Variants in C10orf105 observed in about 807,000 individuals in gnomAD.
C10orf105 encodes chromosome 10 open reading frame 105, also known as uncharacterized protein C10orf105.
C10orf105 carries 2 observed loss-of-function variants against 0.6 expected under a neutral mutation model. The observed-to-expected ratio is 3.18, with a 90% CI of 1.30 to 10.01. The LOEUF is 10.01. C10orf105 is among the 30% of genes most tolerant of loss of function. C10orf105 has a pLI of 0.04. For missense variants in C10orf105, 209 were observed against 191.4 expected, an observed-to-expected ratio of 1.09 and a Z score of -0.54; for synonymous variants, 95 against 82.4, an observed-to-expected ratio of 1.15 and a Z score of -0.83.
intron 1 of C10orf105, chr10:71,732,783 CTGGTCATCGAAGTGTGTG>C: frequency 2.1e-6 from 2 of 934,430 alleles, no homozygotes; most frequent in Non-Finnish European, 2.6e-6. Context: ...TCCTTCACCT[CTGGTCATCGAAGTGTGTG>C]TGGGGTTTTC....
Position 71,716,317 on chromosome 10 carries a change from G to T in C10orf105, c.21C>A (p.Ser7Arg), listed in dbSNP as rs112655229. The change falls in exon 2 of 2, where the codon AGC becomes AGA. Residue 7 changes from serine (S) to arginine (R), a missense_variant. Coordinates refer to ENST00000441508, the MANE Select transcript of C10orf105 (RefSeq NM_001164375.3). Reference sequence around the variant, plus strand: ...GGCTGATGGCTGGGGAGCTGGCGAGGCTGGGGCCCTCTGTGCTCATGGCTC... The same window carrying T: ...GGCTGATGGCTGGGGAGCTGGCGAGTCTGGGGCCCTCTGTGCTCATGGCTC... MSTEGP[S>R]LASSPAISPL... The T allele has an allele frequency of 2.5e-5, 38 of 1,496,798 alleles. No individual in the cohort carries two copies. The African/African-American group carries it at 3.6e-4, about 14-fold the overall frequency. 92.7% of individuals were successfully genotyped at this position (1,496,798 alleles called of 1,614,324 possible). A position where few individuals can be genotyped will look rare whatever the true frequency, so the allele number is the denominator to read the frequency against.
Position 71,713,407 on chromosome 10 carries a change from C to CGGA in C10orf105, c.*2528_*2529insTCC, listed in dbSNP as rs1225006957. On this transcript the variant is annotated 3_prime_UTR_variant, in exon 2 of 2. Coordinates refer to ENST00000441508, the MANE Select transcript of C10orf105 (RefSeq NM_001164375.3). Reference sequence around the variant, plus strand: ...GCCCGGAGTGAATGAGTCTCTTTACCAACTATGGGGTTTCCGACTCGGAGG... The same window carrying CGGA: ...GCCCGGAGTGAATGAGTCTCTTTACCGGAAACTATGGGGTTTCCGACTCGGAGG... The CGGA allele has an allele frequency of 1.5e-6, 1 of 657,298 alleles. No homozygotes were observed. Among genetic ancestry groups the CGGA allele is most frequent in the Non-Finnish European group, 2.7e-6 (1 of 364,784 alleles). 40.7% of individuals were successfully genotyped at this position (657,298 alleles called of 1,614,324 possible). A position where few individuals can be genotyped will look rare whatever the true frequency, so the allele number is the denominator to read the frequency against.
intron 1 of C10orf105, among the ~76,000 whole-genome samples, chr10:71,719,291 G>T (rs762853495): frequency 1.3e-4 from 20 of 152,132 alleles, no homozygotes; most frequent in Non-Finnish European, 2.6e-4. Flanking sequence ...CCGGACCAAG[G>T]CCAGGAATCA....
Position 71,713,087 on chromosome 10 carries a change from A to AC in C10orf105, c.*2848dup. The AC allele has an allele frequency of 1.3e-6, 1 of 759,672 alleles. No individual in the cohort carries two copies. Among genetic ancestry groups the AC allele is most frequent in the Non-Finnish European group, 2.4e-6 (1 of 408,624 alleles). 47.1% of individuals were successfully genotyped at this position (759,672 alleles called of 1,614,324 possible). Reference sequence around the variant, plus strand: ...CCTCCCCCTGCATATCTCCCGCCCCACCCAGAAGGGCCTTTCAGAGTAGCG... The same window carrying AC: ...CCTCCCCCTGCATATCTCCCGCCCCACCCCAGAAGGGCCTTTCAGAGTAGCG... On this transcript the variant is annotated 3_prime_UTR_variant, in exon 2 of 2. Transcript: ENST00000441508.
chr10:71,728,053 GTT>G, intron 1 of C10orf105, among the ~76,000 whole-genome samples: 1 of 152,254 alleles, frequency 6.6e-6, no homozygotes, highest in Middle Eastern at 3.4e-3. Context: ...GCCTGGCCCT[GTT>G]TTTTCCCCAC....
At position 71,714,956 on chromosome 10, in the gene C10orf105, C is replaced by G. The variant is rs2132766535; in HGVS notation, c.*980G>C. ...GGTTTGGGATTCTGAGAAGCCCATC[C>G]TGGGGTGGGACTGCTTTGACGGGTC... On this transcript the variant is annotated 3_prime_UTR_variant, in exon 2 of 2. Coordinates refer to ENST00000441508, the MANE Select transcript of C10orf105 (RefSeq NM_001164375.3). The G allele has an allele frequency of 6.6e-6, 1 of 152,376 alleles. No homozygotes were observed. The highest frequency in any genetic ancestry group is 2.1e-4 in the South Asian group (1 of 4,834). 9.4% of individuals were successfully genotyped at this position (152,376 alleles called of 1,614,324 possible).
In C10orf105 at chr10:71,736,235, C is replaced by T. The variant is rs981915133; in HGVS notation, c.-6+1493G>A. On this transcript the variant is annotated intron_variant, in intron 1 of 1. Coordinates refer to the C10orf105 transcript ENST00000398786. ...ACCCCCTTTTGTTCTGCCCTGGCTT[C>T]CTCTGAGAGGCTCCCAGGGGCCGCT... is the stretch of plus-strand genomic sequence containing the variant. Among the ~76,000 whole-genome samples the T allele has an allele frequency of 3.9e-5, 6 of 152,372 alleles. 1 individual carries two copies. In the South Asian group the frequency reaches 1.2e-3, roughly 32 times the overall value.
intron 1 of C10orf105, chr10:71,731,869 T>G: frequency 9.9e-7 from 1 of 1,012,392 alleles, no homozygotes; most frequent in Middle Eastern, 2.9e-4. Flanking sequence ...CCGGCAGAGG[T>G]GGGGCAGCCC....
intron 1 of C10orf105, chr10:71,737,664 G>A: frequency 4.3e-6 from 2 of 467,852 alleles, no homozygotes; most frequent in South Asian, 3.1e-5. Flanking sequence ...GGCCTGTCCT[G>A]GGATACCTAA....
intron 1 of C10orf105, chr10:71,734,642 G>A: frequency 6.7e-7 from 1 of 1,494,564 alleles, no homozygotes; most frequent in Non-Finnish European, 9.1e-7. Flanking sequence ...TCCTGCTGCT[G>A]CCTCTGCCTA....
At position 71,714,496 on chromosome 10, in the gene C10orf105, A is replaced by C. The variant is rs1866124299; in HGVS notation, c.*1440T>G. The C allele has an allele frequency of 6.6e-6, 1 of 152,230 alleles. No homozygotes were observed. Among genetic ancestry groups the C allele is most frequent in the African/African-American group, 2.4e-5 (1 of 41,438 alleles). 9.4% of individuals were successfully genotyped at this position (152,230 alleles called of 1,614,324 possible). Reference sequence around the variant, plus strand: ...CCTTTTCCTCCCCAAGAGAGGTAGGAGACAGTAGGGGCGGCTCCAGGCAGG... The same window carrying C: ...CCTTTTCCTCCCCAAGAGAGGTAGGCGACAGTAGGGGCGGCTCCAGGCAGG... On this transcript the variant is annotated 3_prime_UTR_variant, in exon 2 of 2. Coordinates refer to ENST00000441508, the MANE Select transcript of C10orf105 (RefSeq NM_001164375.3).
chr10:71,727,951 G>A (rs960042332), intron 1 of C10orf105, among the ~76,000 whole-genome samples: 3 of 152,062 alleles, frequency 2.0e-5, no homozygotes, highest in South Asian at 4.1e-4. Context: ...GGCTGAAACC[G>A]ACCAGAGGCT....
chr10:71,735,185 C>T lies in C10orf105; in HGVS notation c.-6+2543G>A, dbSNP rs545537280. On this transcript the variant is annotated intron_variant, in intron 1 of 1. Transcript: ENST00000398786. ...GCTGCATCCATAAAGGGGACCCCCTCCCTCTCCTGGGGGTTGGTGCAAGTG... is the reference window on the plus strand; with the variant it reads ...GCTGCATCCATAAAGGGGACCCCCTTCCTCTCCTGGGGGTTGGTGCAAGTG... Among the ~76,000 whole-genome samples the T allele has an allele frequency of 4.6e-5, 7 of 152,318 alleles. No individual in the cohort carries two copies. In the South Asian group the frequency reaches 1.2e-3, roughly 27 times the overall value.
At chr10:71,728,741 GTTC>G (rs1250307423) in intron 1 of C10orf105, among the ~76,000 whole-genome samples, 1 of 152,174 alleles carries the variant, frequency 6.6e-6, no homozygotes, top group Admixed American at 6.5e-5. Flanking sequence ...TGCCTCTCCT[GTTC>G]TGGGGCCAGC....
At chr10:71,718,441 G>A (rs963284721) in intron 1 of C10orf105, among the ~76,000 whole-genome samples, 8 of 144,672 alleles carry the variant, frequency 5.5e-5, no homozygotes, top group Non-Finnish European at 9.1e-5. Flanking sequence ...TGTGATGCCC[G>A]TCTAGCTGCC....
chr10:71,726,383 G>A (rs1000125623), intron 1 of C10orf105, among the ~76,000 whole-genome samples: 2 of 152,214 alleles, frequency 1.3e-5, no homozygotes, highest in Non-Finnish European at 2.9e-5. Context: ...TGGAAACAAT[G>A]AGCGGTGGTC....
At chr10:71,734,545 G>C (rs759770181) in intron 1 of C10orf105, 75 of 1,605,690 alleles carry the variant, frequency 4.7e-5, no homozygotes, top group Middle Eastern at 1.7e-4. Context: ...GTGGAGGGTG[G>C]CACCTCCAGA....
chr10:71,719,430 C>T (rs1293448584), intron 1 of C10orf105, among the ~76,000 whole-genome samples, 197 bp downstream of exon 1: 2 of 152,216 alleles, frequency 1.3e-5, no homozygotes, highest in African/African-American at 2.4e-5. Flanking sequence ...CAGAGCAGGA[C>T]CTGCTGTGGG....
At chr10:71,734,541 G>T in intron 1 of C10orf105, 1 of 1,606,600 alleles carries the variant, frequency 6.2e-7, no homozygotes, top group African/African-American at 1.3e-5. Context: ...GCAGGTGGAG[G>T]GTGGCACCTC....
Sources: allele counts gnomAD v4.1 joint callset (sites outside exome capture counted in the v4.1 genomes callset), GRCh38; gene constraint gnomAD v4.1.1; transcripts MANE v1.5; gene names NCBI Gene and HGNC (gene_info 2026-07-23, HGNC 2026-07-21).